DPYD: variants seen among roughly 807,000 people sequenced by gnomAD.
The protein encoded by DPYD is dihydropyrimidine dehydrogenase [NADP(+)].
A neutral mutation model predicts 116.2 loss-of-function variants in DPYD; 109 were observed. That is an observed-to-expected ratio of 0.94 (90% CI 0.80 to 1.10). The LOEUF (loss-of-function observed/expected upper bound fraction) is 1.10. Among genes scored for constraint, DPYD ranks in the 50% least tolerant of loss-of-function variants. The probability of loss-of-function intolerance (pLI) is 0.00; values close to 1 mark genes in which losing one functional copy is unlikely to be tolerated. For synonymous variants in DPYD, 440 were observed against 432.0 expected (o/e 1.02, Z -0.23); for missense variants, 1,302 against 1,254.5 (o/e 1.04, Z -0.57).
chr1:97,253,633 G>C (rs1663256393), intron 18 of DPYD, among the ~76,000 whole-genome samples: 1 of 151,884 alleles, frequency 6.6e-6, no homozygotes, highest in African/African-American at 2.4e-5. Flanking sequence ...TTCCGGTTTT[G>C]GCACAAAAAC....
intron 20 of DPYD, among the ~76,000 whole-genome samples, chr1:97,185,276 AATGAG>A (rs1657919699): frequency 6.6e-6 from 1 of 152,194 alleles, no homozygotes; most frequent in African/African-American, 2.4e-5. Flanking sequence ...TTAAAATCAC[AATGAG>A]ATATCAACAC....
chr1:97,821,009 G>A (rs1055543326), intron 3 of DPYD, among the ~76,000 whole-genome samples: 2 of 151,640 alleles, frequency 1.3e-5, no homozygotes, highest in African/African-American at 4.8e-5. Context: ...TTCAATTCAA[G>A]TACCTTCCAA....
At chr1:97,720,576 A>C (rs1662866525) in intron 5 of DPYD, 1 of 1,072,588 alleles carries the variant, frequency 9.3e-7, no homozygotes. Flanking sequence ...GAAAGCAGGA[A>C]GGGAATAACC....
chr1:97,345,178 T>C (rs1321583721), intron 16 of DPYD, among the ~76,000 whole-genome samples: 1 of 151,948 alleles, frequency 6.6e-6, no homozygotes, highest in East Asian at 1.9e-4. Flanking sequence ...AGTAACTGGC[T>C]AAAAATATTT....
intron 19 of DPYD, among the ~76,000 whole-genome samples, chr1:97,222,803 GA>G (rs1660863967): frequency 6.6e-6 from 1 of 151,894 alleles, no homozygotes; most frequent in African/African-American, 2.4e-5. Context: ...ATAATGGAAA[GA>G]AAAAATATTT....
chr1:97,685,273 C>A (rs1660655366), intron 7 of DPYD, among the ~76,000 whole-genome samples: 1 of 152,128 alleles, frequency 6.6e-6, no homozygotes, highest in East Asian at 1.9e-4. Flanking sequence ...GCAGAAAAGT[C>A]CTTTGATAAA....
intron 14 of DPYD, among the ~76,000 whole-genome samples, chr1:97,424,421 C>CA (rs139634401): frequency 0.021 from 3,201 of 152,118 alleles, 47 homozygotes; most frequent in South Asian, 0.043. Flanking sequence ...GAAACATAGA[C>CA]ACACTGTTCA....
chr1:97,528,182 G>T (rs1649293754), intron 12 of DPYD, among the ~76,000 whole-genome samples: 1 of 152,052 alleles, frequency 6.6e-6, no homozygotes, highest in Non-Finnish European at 1.5e-5. Flanking sequence ...ATTTGGATTA[G>T]CTGTTTCCAT....
intron 16 of DPYD, among the ~76,000 whole-genome samples, chr1:97,344,210 C>G (rs1176903332): frequency 6.6e-6 from 1 of 151,662 alleles, no homozygotes; most frequent in African/African-American, 2.4e-5. Flanking sequence ...GAGAGAGAAT[C>G]TCGCCAAAAG....
At position 97,290,113 on chromosome 1, in the gene DPYD, C is replaced by G. The variant is rs1409850587; in HGVS notation, c.2299+15146G>C. ...AATTGCTTCAAAGAGAATAAAATAC[C>G]TAGGGACCCAACTTACAAGGGACGT... On this transcript the variant is annotated intron_variant, in intron 18 of 22. Transcript: ENST00000370192. Among the ~76,000 whole-genome samples, 6 of 152,108 alleles carry G rather than the reference C, an allele frequency of 3.9e-5. No individual in the cohort carries two copies. The East Asian group carries it at 1.2e-3, about 29-fold the overall frequency.
At chr1:97,387,381 T>C (rs1174710175) in intron 14 of DPYD, among the ~76,000 whole-genome samples, 1 of 152,108 alleles carries the variant, frequency 6.6e-6, no homozygotes, top group East Asian at 1.9e-4. Flanking sequence ...TGAGCTCCAC[T>C]ATATGCCAAC....
At chr1:97,454,308 A>T (rs976250387) in intron 13 of DPYD, among the ~76,000 whole-genome samples, 1 of 151,970 alleles carries the variant, frequency 6.6e-6, no homozygotes, top group Non-Finnish European at 1.5e-5. Flanking sequence ...GAGTTTAAAT[A>T]ATTGGACAAT....
chr1:97,833,677 A>G (rs1197033090), intron 2 of DPYD, among the ~76,000 whole-genome samples: 1 of 152,122 alleles, frequency 6.6e-6, no homozygotes, highest in Non-Finnish European at 1.5e-5. Context: ...TACATTCAGC[A>G]ACGACGTTTT....
chr1:97,128,441 C>T (rs1031880822), intron 20 of DPYD, among the ~76,000 whole-genome samples: 7 of 152,018 alleles, frequency 4.6e-5, no homozygotes, highest in South Asian at 4.1e-4. Flanking sequence ...TAGAGTTATC[C>T]GTGCCTAATA....
chr1:97,136,703 C>T (rs1341831281), intron 20 of DPYD, among the ~76,000 whole-genome samples: 5 of 152,084 alleles, frequency 3.3e-5, no homozygotes, highest in Admixed American at 1.3e-4. Context: ...GAATCACGAA[C>T]GAATAGTCTG....
At chr1:97,765,046 ATATT>A (rs1665775829) in intron 3 of DPYD, among the ~76,000 whole-genome samples, 1 of 152,166 alleles carries the variant, frequency 6.6e-6, no homozygotes, top group Admixed American at 6.5e-5. Context: ...TCTTCTTTAA[ATATT>A]TATTTCATAA....
chr1:97,722,576 A>T (rs934782745), intron 4 of DPYD, among the ~76,000 whole-genome samples: 1 of 151,586 alleles, frequency 6.6e-6, no homozygotes, highest in African/African-American at 2.4e-5. Flanking sequence ...TAGAGCTGAT[A>T]GAATGCACTT....
chr1:97,353,803 T>C (rs1432131243), intron 16 of DPYD, among the ~76,000 whole-genome samples: 1 of 152,134 alleles, frequency 6.6e-6, no homozygotes, highest in African/African-American at 2.4e-5. Flanking sequence ...CTTCCACAAA[T>C]AGCACTGTCT....
intron 3 of DPYD, among the ~76,000 whole-genome samples, chr1:97,774,152 C>T (rs765174929): frequency 1.3e-5 from 2 of 152,284 alleles, no homozygotes; most frequent in East Asian, 1.9e-4. Context: ...AGCCACACCA[C>T]CGTTGCATGC....
Sources: gnomAD v4.1 joint callset for allele counts (sites outside exome capture counted in the v4.1 genomes callset) on GRCh38, gnomAD v4.1.1 for gene constraint, MANE v1.5 for transcripts, NCBI Gene and HGNC (gene_info 2026-07-23, HGNC 2026-07-21) for gene names.